Variants in PREX2 observed in about 807,000 individuals in gnomAD.
PREX2 encodes phosphatidylinositol-3,4,5-trisphosphate dependent Rac exchange factor 2.
In PREX2, 107 loss-of-function variants were observed where a neutral mutation model predicts 203.2. The ratio of observed to expected loss-of-function variants is 0.53; its 90% CI spans 0.45 to 0.62. The LOEUF (loss-of-function observed/expected upper bound fraction) is 0.62. Ranked by LOEUF, PREX2 falls within the 20% of genes least tolerant of loss-of-function variation. PREX2 has a pLI of 0.00. For missense variants in PREX2, 1,777 were observed against 1,955.9 expected (o/e 0.91, Z 1.72); for synonymous variants, 672 against 663.6 (o/e 1.01, Z -0.19).
At chr8:68,068,528 T>G (rs1268930013) in intron 11 of PREX2, among the ~76,000 whole-genome samples, 5 of 152,054 alleles carry the variant, frequency 3.3e-5, no homozygotes, top group Non-Finnish European at 5.9e-5. Context: ...TGGTCAAGAT[T>G]GGTGTATGTG....
rs1248465327 is a variant in PREX2, at chr8:68,233,942, TAAA to T, written c.*2568_*2570del. The T allele has an allele frequency of 6.6e-6, 1 of 152,156 alleles. No individual in the cohort carries two copies. The highest frequency in any genetic ancestry group is 2.4e-5 in the African/African-American group (1 of 41,452). The allele number at this position is 152,156 out of a possible 1,614,324, so 9.4% of individuals were successfully genotyped here. A position where few individuals can be genotyped will look rare whatever the true frequency, so the allele number is the denominator to read the frequency against. Reference sequence around the variant, plus strand: ...TGTCATTAAATTATACATCTTGTATTAAAAAACGGTGAATGGAAATATGTAAAT... The same window carrying T: ...TGTCATTAAATTATACATCTTGTATTAAACGGTGAATGGAAATATGTAAAT... On this transcript the variant is annotated 3_prime_UTR_variant, in exon 40 of 40. Coordinates refer to ENST00000288368, the MANE Select transcript of PREX2 (RefSeq NM_024870.4).
chr8:67,984,507 G>A (rs750535786), intron 1 of PREX2, among the ~76,000 whole-genome samples: 10 of 152,158 alleles, frequency 6.6e-5, no homozygotes, highest in Non-Finnish European at 8.8e-5. Context: ...GGTTTGATTA[G>A]TACATGCCTG....
chr8:68,102,689 C>G (rs1488375000), intron 23 of PREX2: 2 of 349,810 alleles, frequency 5.7e-6, no homozygotes, highest in Non-Finnish European at 1.1e-5. Flanking sequence ...AAACTAAAAT[C>G]TCAAAGATGC....
intron 14 of PREX2, among the ~76,000 whole-genome samples, chr8:68,075,013 T>G (rs1238643516): frequency 5.9e-5 from 9 of 152,226 alleles, no homozygotes. Flanking sequence ...AATTCTTATT[T>G]GGCATGTGCA....
intron 25 of PREX2, among the ~76,000 whole-genome samples, chr8:68,112,142 T>C (rs913274567): frequency 2.6e-5 from 4 of 152,282 alleles, no homozygotes; most frequent in Non-Finnish European, 5.9e-5. Context: ...GAATTAGAGA[T>C]GAATTTGCTG....
At chr8:67,960,936 C>T (rs771516154) in intron 1 of PREX2, among the ~76,000 whole-genome samples, 13 of 149,760 alleles carry the variant, frequency 8.7e-5, no homozygotes, top group South Asian at 4.3e-4. Flanking sequence ...CAAGTAGAGA[C>T]GTAAGCACTT....
intron 35 of PREX2, among the ~76,000 whole-genome samples, chr8:68,170,351 G>A (rs1307215993): frequency 1.3e-5 from 2 of 152,240 alleles, no homozygotes; most frequent in Non-Finnish European, 2.9e-5. Context: ...TCGATTATCA[G>A]TAGTCATGAA....
At chr8:68,202,226 C>T (rs1812520582) in intron 37 of PREX2, among the ~76,000 whole-genome samples, 1 of 152,058 alleles carries the variant, frequency 6.6e-6, no homozygotes, top group Admixed American at 6.6e-5. Context: ...TAAAGCATAA[C>T]CAGCCCTCAC....
intron 25 of PREX2, among the ~76,000 whole-genome samples, chr8:68,113,348 C>A (rs1243214938): frequency 6.6e-6 from 1 of 152,098 alleles, no homozygotes; most frequent in Non-Finnish European, 1.5e-5. Flanking sequence ...AGCACAGAGG[C>A]CTCTTGGCAA....
At chr8:68,133,132 C>A (rs941031229) in intron 31 of PREX2, among the ~76,000 whole-genome samples, 2 of 152,052 alleles carry the variant, frequency 1.3e-5, no homozygotes, top group African/African-American at 4.8e-5. Context: ...TCTTACATGG[C>A]GGCAGGCAAG....
At chr8:68,008,469 G>A (rs1807166036) in intron 1 of PREX2, among the ~76,000 whole-genome samples, 1 of 152,138 alleles carries the variant, frequency 6.6e-6, no homozygotes, top group South Asian at 2.1e-4. Flanking sequence ...GTCAGAAAGG[G>A]CCATAGGATA....
intron 35 of PREX2, among the ~76,000 whole-genome samples, chr8:68,175,063 C>T (rs1184307354): frequency 3.9e-5 from 6 of 152,158 alleles, no homozygotes; most frequent in East Asian, 1.9e-4. Context: ...AATACTCTAC[C>T]GAACGCCATG....
At chr8:68,164,585 C>CTTTTTTTTTTTTCTT (rs1811721341) in intron 35 of PREX2, among the ~76,000 whole-genome samples, 1 of 135,264 alleles carries the variant, frequency 7.4e-6, no homozygotes, top group African/African-American at 2.7e-5. Flanking sequence ...TTTCTTTTTT[C>CTTTTTTTTTTTTCTT]TTTTTTTTTT....
chr8:68,076,315 G>A (rs1809345890), intron 14 of PREX2, among the ~76,000 whole-genome samples: 1 of 151,940 alleles, frequency 6.6e-6, no homozygotes, highest in East Asian at 1.9e-4. Flanking sequence ...AAATTAGCCG[G>A]GTGTGTTGGC....
Position 68,043,300 on chromosome 8 carries a change from C to G in PREX2, c.840-1187C>G, listed in dbSNP as rs117508345. ...GGGGCTGACAAACTGTCCAGTCAGACTAATGAATCGATTTGCTTAGTTTTC... is the reference window on the plus strand; with the variant it reads ...GGGGCTGACAAACTGTCCAGTCAGAGTAATGAATCGATTTGCTTAGTTTTC... On this transcript the variant is annotated intron_variant, in intron 7 of 39. Transcript: ENST00000288368. Among the ~76,000 whole-genome samples, 1,252 of 152,150 alleles carry G rather than the reference C, an allele frequency of 8.2e-3. 11 individuals carry two copies. The highest frequency in any genetic ancestry group is 0.013 in the Non-Finnish European group (870 of 67,980).
At chr8:68,048,379 G>C (rs1032004147) in intron 8 of PREX2, among the ~76,000 whole-genome samples, 12 of 151,930 alleles carry the variant, frequency 7.9e-5, no homozygotes, top group African/African-American at 2.7e-4. Context: ...TAGGACAGAG[G>C]GCAAGAATGT....
At chr8:68,194,278 C>T (rs934217020) in intron 37 of PREX2, among the ~76,000 whole-genome samples, 5 of 151,968 alleles carry the variant, frequency 3.3e-5, no homozygotes, top group African/African-American at 9.7e-5. Context: ...ATAGTACGTA[C>T]TGCATTGGGG....
chr8:68,083,907 A>G (rs1292678505), intron 18 of PREX2, among the ~76,000 whole-genome samples: 1 of 152,236 alleles, frequency 6.6e-6, no homozygotes, highest in East Asian at 1.9e-4. Context: ...TATGTTTATT[A>G]TAGAAAATGT....
chr8:67,991,716 G>A (rs1806615030), intron 1 of PREX2, among the ~76,000 whole-genome samples: 1 of 152,138 alleles, frequency 6.6e-6, no homozygotes, highest in Non-Finnish European at 1.5e-5. Context: ...TTTGGCTGGT[G>A]ACACAAAGTC....
Sources: allele counts gnomAD v4.1 joint callset (sites outside exome capture counted in the v4.1 genomes callset), GRCh38; gene constraint gnomAD v4.1.1; transcripts MANE v1.5; gene names NCBI Gene and HGNC (gene_info 2026-07-23, HGNC 2026-07-21).